The following STAU2 variants were observed in gnomAD, a reference collection of about 807,000 sequenced individuals.
STAU2 encodes the protein staufen double-stranded RNA binding protein 2.
Under a neutral mutation model 65.9 loss-of-function variants are expected in STAU2, and 20 were observed. That is an observed-to-expected ratio of 0.30 (90% CI 0.21 to 0.44). The LOEUF (loss-of-function observed/expected upper bound fraction) is 0.44, where lower values mean the gene tolerates loss of function less well. Among genes scored for constraint, STAU2 ranks in the 20% least tolerant of loss-of-function variants. The pLI is 1.00. For missense variants in STAU2, 558 were observed against 683.9 expected (o/e 0.82, Z 2.05); for synonymous variants, 232 against 233.9 (o/e 0.99, Z 0.07).
Position 73,607,986 on chromosome 8 carries a change from G to A in STAU2, c.892-4123C>T, listed in dbSNP as rs114901837. ...GCCACTATGCAGTCTTAGCTCTTCC[G>A]GATGATTGCTGCCATTTCATCTTGA... On this transcript the variant is annotated intron_variant, in intron 9 of 14. Coordinates refer to ENST00000524300, the MANE Select transcript of STAU2 (RefSeq NM_001164380.2). Among the ~76,000 whole-genome samples, 932 of 152,156 alleles carry A rather than the reference G, an allele frequency of 6.1e-3. 7 individuals are homozygous for A. Among genetic ancestry groups the A allele is most frequent in the African/African-American group, 0.021 (876 of 41,508 alleles).
At chr8:73,681,885 A>T (rs1462972811) in intron 5 of STAU2, among the ~76,000 whole-genome samples, 4 of 152,188 alleles carry the variant, frequency 2.6e-5, no homozygotes, top group Admixed American at 1.3e-4. Flanking sequence ...ACAAAGAGGG[A>T]CATTACATAA....
chr8:73,426,635 G>C (rs921660661), intron 13 of STAU2, among the ~76,000 whole-genome samples: 1 of 152,048 alleles, frequency 6.6e-6, no homozygotes, highest in Non-Finnish European at 1.5e-5. Context: ...TAAATGACAG[G>C]ATTTCATTCT....
At chr8:73,740,560 A>T (rs1806779622) in intron 1 of STAU2, among the ~76,000 whole-genome samples, 1 of 152,256 alleles carries the variant, frequency 6.6e-6, no homozygotes, top group Non-Finnish European at 1.5e-5. Flanking sequence ...GGAATGGAGT[A>T]TCTCATTAAA....
intron 4 of STAU2, among the ~76,000 whole-genome samples, chr8:73,693,187 A>C (rs56365900): frequency 0.2 from 30,883 of 150,888 alleles, 3,513 homozygotes; most frequent in East Asian, 0.37. Context: ...ATTTAAAAAA[A>C]AGTGGGCTGG....
intron 4 of STAU2, among the ~76,000 whole-genome samples, chr8:73,691,551 C>T (rs572254773): frequency 6.6e-6 from 1 of 151,942 alleles, no homozygotes; most frequent in Non-Finnish European, 1.5e-5. Flanking sequence ...ACTGACTCAA[C>T]TTAAATGTTT....
intron 6 of STAU2, among the ~76,000 whole-genome samples, chr8:73,659,992 T>G (rs544416421): frequency 6.6e-6 from 1 of 152,158 alleles, no homozygotes; most frequent in Non-Finnish European, 1.5e-5. Flanking sequence ...GCTTAAACTT[T>G]TAGCATAAAG....
At chr8:73,586,269 C>T (rs1810359623) in intron 11 of STAU2, among the ~76,000 whole-genome samples, 1 of 152,084 alleles carries the variant, frequency 6.6e-6, no homozygotes, top group Non-Finnish European at 1.5e-5. Context: ...TAGAAAGCCT[C>T]CAGAATTAGG....
chr8:73,693,161 G>A (rs922451060), intron 4 of STAU2, among the ~76,000 whole-genome samples: 9 of 151,114 alleles, frequency 6.0e-5, no homozygotes, highest in Non-Finnish European at 1.2e-4. Context: ...ACCCTATCTC[G>A]GAAACAAATT....
intron 13 of STAU2, chr8:73,551,763 G>A: frequency 1.7e-6 from 2 of 1,151,970 alleles, no homozygotes; most frequent in South Asian, 8.1e-5. Context: ...TATGAAAAAT[G>A]CTTAAAAAAG....
chr8:73,571,109 A>C (rs1217643352), intron 12 of STAU2, among the ~76,000 whole-genome samples: 2 of 152,220 alleles, frequency 1.3e-5, no homozygotes. Flanking sequence ...GTCTCTGACA[A>C]AACAGACTTT....
chr8:73,664,822 C>G (rs367978768), intron 6 of STAU2, among the ~76,000 whole-genome samples: 1 of 152,152 alleles, frequency 6.6e-6, no homozygotes, highest in East Asian at 1.9e-4. Flanking sequence ...GAAACCCTGT[C>G]TCTACCAAAA....
intron 6 of STAU2, among the ~76,000 whole-genome samples, chr8:73,658,943 C>CAACA (rs373405572): frequency 1.6e-4 from 23 of 141,954 alleles, no homozygotes; most frequent in African/African-American, 5.6e-4. Context: ...ACAAAAACAA[C>CAACA]AAAAAAAAAA....
At chr8:73,527,605 G>T in intron 13 of STAU2, 2 of 954,776 alleles carry the variant, frequency 2.1e-6, no homozygotes, top group Admixed American at 4.2e-5. Context: ...AAGCAAAGCT[G>T]CATGTGCGCA....
At chr8:73,676,082 T>C (rs893775482) in intron 5 of STAU2, among the ~76,000 whole-genome samples, 6 of 151,870 alleles carry the variant, frequency 4.0e-5, no homozygotes, top group African/African-American at 7.3e-5. Context: ...TAAAAAAAAA[T>C]AAAAGGGAGA....
At chr8:73,571,875 G>C (rs1004668441) in intron 12 of STAU2, among the ~76,000 whole-genome samples, 19 of 152,132 alleles carry the variant, frequency 1.2e-4, no homozygotes, top group Non-Finnish European at 2.5e-4. Flanking sequence ...AAAGCTAGCA[G>C]AAGGCAAGAA....
At chr8:73,569,217 C>T (rs1433680530) in intron 12 of STAU2, among the ~76,000 whole-genome samples, 1 of 152,108 alleles carries the variant, frequency 6.6e-6, no homozygotes, top group Non-Finnish European at 1.5e-5. Flanking sequence ...ACTGCTAGCA[C>T]AGCAGTCTGA....
chr8:73,628,584 A>C (rs1813862049), intron 6 of STAU2, among the ~76,000 whole-genome samples: 1 of 152,152 alleles, frequency 6.6e-6, no homozygotes. Context: ...AAAATCTCTC[A>C]AGTCCTTCCC....
At chr8:73,607,499 G>A (rs1430084784) in intron 9 of STAU2, among the ~76,000 whole-genome samples, 4 of 152,048 alleles carry the variant, frequency 2.6e-5, no homozygotes, top group African/African-American at 9.7e-5. Flanking sequence ...GGAGGCCGAG[G>A]CGGGCAGATC....
intron 6 of STAU2, among the ~76,000 whole-genome samples, chr8:73,620,485 T>C (rs544092537): frequency 5.9e-5 from 9 of 152,344 alleles, no homozygotes; most frequent in African/African-American, 2.2e-4. Flanking sequence ...CTGTTCATTG[T>C]AACTTTACTG....
Sources: gnomAD v4.1 joint callset for allele counts (sites outside exome capture counted in the v4.1 genomes callset) on GRCh38, gnomAD v4.1.1 for gene constraint, MANE v1.5 for transcripts, NCBI Gene and HGNC (gene_info 2026-07-23, HGNC 2026-07-21) for gene names.